Variants in DDX31 observed in about 807,000 individuals in gnomAD.
DDX31 encodes the protein DEAD-box helicase 31.
DDX31 carries 70 observed loss-of-function variants against 91.3 expected under a neutral mutation model. The ratio of observed to expected loss-of-function variants is 0.77; its 90% CI spans 0.63 to 0.94. DDX31 has a LOEUF of 0.94. DDX31 is among the 40% of genes least tolerant of loss of function. The pLI is 0.00. For missense variants in DDX31, 902 were observed against 925.0 expected (o/e 0.98, Z 0.32); for synonymous variants, 362 against 350.6 (o/e 1.03, Z -0.36).
chr9:132,609,747 A>G (rs948532657), intron 19 of DDX31, among the ~76,000 whole-genome samples: 4 of 151,788 alleles, frequency 2.6e-5, no homozygotes, highest in African/African-American at 9.7e-5. Context: ...TCAGCCTCCC[A>G]AGTAGCTGGA....
In DDX31 at chr9:132,594,863, A is replaced by G. The variant is rs1377917580; in HGVS notation, c.*3T>C. 1.9e-6 allele frequency: 3 copies of G among 1,612,302 alleles called. No individual in the cohort carries two copies. In the African/African-American group the frequency reaches 4.0e-5, roughly 22 times the overall value. On this transcript the variant is annotated 3_prime_UTR_variant, in exon 20 of 20. Transcript: ENST00000372159. ...AGGTTCCACTCGAAGACCCAGAGAGATTTTAAACTTTCTGGGAAGTCTTGC... is the reference window on the plus strand; with the variant it reads ...AGGTTCCACTCGAAGACCCAGAGAGGTTTTAAACTTTCTGGGAAGTCTTGC...
At chr9:132,658,046 A>T (rs1381411079) in intron 6 of DDX31, 1 of 414,408 alleles carries the variant, frequency 2.4e-6, no homozygotes, top group African/African-American at 2.0e-5. Context: ...TTAAAATATA[A>T]TGCTTTATAT....
At chr9:132,642,408 C>A (rs1833559379) in intron 13 of DDX31, among the ~76,000 whole-genome samples, 1 of 152,202 alleles carries the variant, frequency 6.6e-6, no homozygotes, top group African/African-American at 2.4e-5. Flanking sequence ...TTATTCTAAA[C>A]ATTCTCCTAC....
intron 9 of DDX31, among the ~76,000 whole-genome samples, chr9:132,649,728 A>G (rs1301128669): frequency 1.3e-5 from 2 of 152,260 alleles, no homozygotes; most frequent in Non-Finnish European, 2.9e-5. Flanking sequence ...AATACAATAA[A>G]AATGTTTTCA....
In DDX31 at chr9:132,658,342, G is replaced by A. The variant is rs545699922; in HGVS notation, c.588+329C>T. On this transcript the variant is annotated intron_variant, in intron 6 of 19. Coordinates refer to ENST00000372159, the MANE Select transcript of DDX31 (RefSeq NM_022779.9). ...AAGCCTCTGTTCTTCTTCGTAAAAT[G>A]TGGATAACAGTAATACCTATAACAC... The A allele has an allele frequency of 3.3e-5, 23 of 703,352 alleles. No homozygotes were observed. In the African/African-American group the frequency reaches 3.3e-4, roughly 10 times the overall value. 43.6% of individuals were successfully genotyped at this position (703,352 alleles called of 1,614,324 possible). A position where few individuals can be genotyped will look rare whatever the true frequency, so the allele number is the denominator to read the frequency against.
rs550379656 is a variant in DDX31, at chr9:132,660,989, C to T, written c.452+219G>A. On this transcript the variant is annotated intron_variant, in intron 4 of 19. Transcript: ENST00000372159. The stretch of plus-strand genomic sequence containing the variant: ...CACCTTCTGGATGAGACGTCTCTTG[C>T]GGTTCAGAGCCAAGGGCAGAACTGG... 4.7e-4 allele frequency: 249 copies of T among 528,034 alleles called. 3 individuals are homozygous for T. Among genetic ancestry groups the T allele is most frequent in the African/African-American group, 4.4e-3 (226 of 50,860 alleles). The allele number at this position is 528,034 out of a possible 1,614,324, so 32.7% of individuals were successfully genotyped here. A position where few individuals can be genotyped will look rare whatever the true frequency, so the allele number is the denominator to read the frequency against.
At chr9:132,601,623 T>C (rs972116925) in intron 19 of DDX31, among the ~76,000 whole-genome samples, 16 of 152,212 alleles carry the variant, frequency 1.1e-4, no homozygotes, top group Non-Finnish European at 4.4e-5. Context: ...GCAGTTTCCA[T>C]TGTAAGTCTG....
intron 6 of DDX31, 100 bp downstream of exon 6, chr9:132,658,571 T>C: frequency 8.8e-7 from 1 of 1,141,570 alleles, no homozygotes; most frequent in Non-Finnish European, 1.3e-6. Flanking sequence ...AAATACTCAG[T>C]GAAAACAGAT....
chr9:132,655,935 A>T (rs1024978631), intron 6 of DDX31, among the ~76,000 whole-genome samples: 1 of 152,244 alleles, frequency 6.6e-6, no homozygotes, highest in African/African-American at 2.4e-5. Flanking sequence ...GACTACACTG[A>T]ACGCAGGCTA....
At chr9:132,648,685 A>G in intron 9 of DDX31, 134 bp from the exon 10 acceptor site, 1 of 1,023,720 alleles carries the variant, frequency 9.8e-7, no homozygotes, top group Non-Finnish European at 1.4e-6. Context: ...AATCATGACA[A>G]AACATAAAAA....
At chr9:132,625,363 C>T (rs1161013842) in intron 17 of DDX31, among the ~76,000 whole-genome samples, 3 of 152,128 alleles carry the variant, frequency 2.0e-5, no homozygotes, top group East Asian at 1.9e-4. Flanking sequence ...CGGGGCTGAG[C>T]GTGTGGCACT....
Position 132,625,745 on chromosome 9 carries a change from G to T in DDX31, c.1632C>A (p.Asn544Lys). 6.2e-7 allele frequency: 1 copy of T among 1,612,536 alleles called. No homozygotes were observed. The highest frequency in any genetic ancestry group is 8.5e-7 in the Non-Finnish European group (1 of 1,179,480). ...TATCTTCCATCTTAATCTCAGAAAC[G>T]CTGTAAAAGGAAGGGCACAGCAAGG... is the stretch of plus-strand genomic sequence containing the variant. Reference protein sequence around the residue: ...YVNSLASHKINVSEIKMEDIL... With the variant: ...YVNSLASHKIKVSEIKMEDIL... The change falls in exon 17 of 20, where the codon AAC becomes AAA. Residue 544 changes from asparagine (N) to lysine (K), a missense_variant and splice_region_variant. Transcript: ENST00000372159.
intron 19 of DDX31, among the ~76,000 whole-genome samples, chr9:132,599,947 C>T (rs1376806208): frequency 6.6e-6 from 1 of 152,274 alleles, no homozygotes; most frequent in East Asian, 1.9e-4. Context: ...AGTCTCTACA[C>T]TTGTGCCTGA....
Position 132,662,318 on chromosome 9 carries a change from C to A in DDX31, c.351G>T (p.Val117=). The change falls in exon 3 of 20, where the codon GTG becomes GTT. Residue 117 remains valine, a synonymous_variant. Transcript: ENST00000372159. ...CAGCTGAAGTAAACACTTTTTCTTG[C>A]ACCTGCTTTACCACAGGTCTGCAAA... ...PELHRPVVKQ[V]QEKVFTSAAF... The A allele has an allele frequency of 6.2e-7, 1 of 1,614,212 alleles. No homozygotes were observed. Among genetic ancestry groups the A allele is most frequent in the Non-Finnish European group, 8.5e-7 (1 of 1,180,040 alleles).
At chr9:132,641,337 T>C (rs1025755154) in intron 14 of DDX31, among the ~76,000 whole-genome samples, 4 of 152,238 alleles carry the variant, frequency 2.6e-5, no homozygotes, top group African/African-American at 9.6e-5. Flanking sequence ...AATAACCAGC[T>C]GGGGATTAAG....
At chr9:132,598,194 CCT>C (rs1169176219) in intron 19 of DDX31, among the ~76,000 whole-genome samples, 1 of 152,176 alleles carries the variant, frequency 6.6e-6, no homozygotes, top group Non-Finnish European at 1.5e-5. Flanking sequence ...TGGCCAGCTC[CCT>C]GTCTCCTTTT....
At chr9:132,644,638 T>C (rs965388479) in intron 13 of DDX31, among the ~76,000 whole-genome samples, 4 of 152,234 alleles carry the variant, frequency 2.6e-5, no homozygotes, top group Admixed American at 6.5e-5. Flanking sequence ...AGCGAATTCC[T>C]AGACCATTCT....
At chr9:132,622,084 A>G (rs1832065391) in intron 17 of DDX31, among the ~76,000 whole-genome samples, 1 of 152,176 alleles carries the variant, frequency 6.6e-6, no homozygotes, top group South Asian at 2.1e-4. Context: ...TGAGATCATG[A>G]GACAGAGTTT....
intron 3 of DDX31, 132 bp downstream of exon 3, chr9:132,662,129 G>A: frequency 1.2e-6 from 1 of 858,930 alleles, no homozygotes; most frequent in South Asian, 1.7e-5. Flanking sequence ...ATCAATCTGA[G>A]TTCATTCAGG....
Sources: allele counts gnomAD v4.1 joint callset (sites outside exome capture counted in the v4.1 genomes callset), GRCh38; gene constraint gnomAD v4.1.1; transcripts MANE v1.5; gene names NCBI Gene and HGNC (gene_info 2026-07-23, HGNC 2026-07-21).